Variants in SPTBN4 observed in about 807,000 individuals in gnomAD.
SPTBN4 encodes the protein spectrin beta, non-erythrocytic 4.
SPTBN4 carries 96 observed loss-of-function variants against 277.8 expected under a neutral mutation model. That is an observed-to-expected ratio of 0.35 (90% CI 0.29 to 0.41). SPTBN4 has a LOEUF of 0.41. SPTBN4 is among the 10% of genes least tolerant of loss of function. The pLI, the probability that SPTBN4 is intolerant of heterozygous loss-of-function variation, is 1.00. For missense variants in SPTBN4, 3,006 were observed against 3,595.7 expected, an observed-to-expected ratio of 0.84 and a Z score of 4.19; for synonymous variants, 1,481 against 1,580.3, an observed-to-expected ratio of 0.94 and a Z score of 1.49.
At chr19:40,569,792 A>C in intron 32 of SPTBN4, 66 bp downstream of exon 32, 1,539 of 1,463,458 alleles carry the variant, frequency 1.1e-3, no homozygotes, top group Non-Finnish European at 1.3e-3. Context: ...GCAGGATCTC[A>C]GAAACAGCCA....
Position 40,487,705 on chromosome 19 carries a change from G to A in SPTBN4, c.178G>A (p.Glu60Lys). 2 of 1,612,192 alleles carry A rather than the reference G, an allele frequency of 1.2e-6. No homozygotes were observed. Among genetic ancestry groups the A allele is most frequent in the South Asian group, 2.2e-5 (2 of 90,844 alleles). Residue 60 changes from glutamate to lysine, a missense_variant, in exon 3 of 36, where the codon GAA becomes AAA. Physicochemically the swap from Glu to Lys is moderately conservative, Grantham distance 56. Around this residue, in one of 5 missense-constraint regions of SPTBN4, gnomAD observed 114 missense variants for 196.1 expected, o/e 0.58. Transcript: ENST00000598249. ...SRIKALADER[E>K]AVQKKTFTKW... is the part of the protein sequence containing the mutation. ...CAGGGCCTCTCCTCCAGATGAGCGG[G>A]AAGCCGTGCAGAAGAAAACCTTCAC...
chr19:40,528,055 C>CA (rs751179742), intron 17 of SPTBN4, among the ~76,000 whole-genome samples: 8,820 of 33,392 alleles, frequency 0.26, 1,092 homozygotes, highest in Non-Finnish European at 0.33. Flanking sequence ...GACTCCATCT[C>CA]AAAAAAAAAA....
At chr19:40,506,639 T>C (rs776201665) in intron 13 of SPTBN4, among the ~76,000 whole-genome samples, 3 of 152,190 alleles carry the variant, frequency 2.0e-5, no homozygotes, top group Non-Finnish European at 2.9e-5. Flanking sequence ...GCACTTGTTA[T>C]GTGCCAAGCC....
Position 40,493,069 on chromosome 19 carries a change from C to G in SPTBN4, c.587+15C>G. 6.2e-7 allele frequency: 1 copy of G among 1,613,494 alleles called. No individual in the cohort carries two copies. Reference sequence around the variant, plus strand: ...AAGACAGCTGGGTAAGCACCCCCACCACCTTCCTTAGGAGGTTAGGCAAGT... The same window carrying G: ...AAGACAGCTGGGTAAGCACCCCCACGACCTTCCTTAGGAGGTTAGGCAAGT... On this transcript the variant is annotated intron_variant, in intron 5 of 35. Coordinates refer to ENST00000598249, the MANE Select transcript of SPTBN4 (RefSeq NM_020971.3).
intron 7 of SPTBN4, among the ~76,000 whole-genome samples, chr19:40,501,262 T>C (rs1277899571): frequency 6.8e-6 from 1 of 146,330 alleles, no homozygotes; most frequent in African/African-American, 2.5e-5. Context: ...AAGTAAAAAG[T>C]TGAGCTCTGA....
chr19:40,494,642 C>T (rs2080175100), intron 5 of SPTBN4, among the ~76,000 whole-genome samples: 1 of 151,114 alleles, frequency 6.6e-6, no homozygotes, highest in African/African-American at 2.5e-5. Context: ...CTATCTATCA[C>T]CTATTTATCA....
chr19:40,519,476 G>C lies in SPTBN4; in HGVS notation c.2979G>C (p.Val993=), dbSNP rs778600255. The C allele has an allele frequency of 6.2e-7, 1 of 1,608,180 alleles. No homozygotes were observed. Among genetic ancestry groups the C allele is most frequent in the South Asian group, 1.1e-5 (1 of 90,306 alleles). ...CGGTGCTGCTGGTGGAGAACCACGT[G>C]CTGGAGGTGGCCGAGGTGCGCGCCC... The part of the protein sequence containing the change: ...MSAVLLVENH[V]LEVAEVRAQV... The change falls in exon 16 of 36, where the codon GTG becomes GTC. Residue 993 remains valine, a synonymous_variant. Coordinates refer to ENST00000598249, the MANE Select transcript of SPTBN4 (RefSeq NM_020971.3). This position sits in a 1 kb window ranked among gnomAD's most constrained non-coding sequence, Gnocchi z 5.7.
chr19:40,514,570 C>T (rs898093409), intron 14 of SPTBN4, among the ~76,000 whole-genome samples: 1 of 152,136 alleles, frequency 6.6e-6, no homozygotes, highest in Non-Finnish European at 1.5e-5. Flanking sequence ...CATGGGGGCC[C>T]AGAGGAAGAA....
chr19:40,536,153 G>A (rs73050124), intron 20 of SPTBN4, among the ~76,000 whole-genome samples: 20,643 of 151,744 alleles, frequency 0.14, 1,646 homozygotes, highest in Non-Finnish European at 0.18. Flanking sequence ...GGGTCAGTTC[G>A]TTCTTTTTCC....
At position 40,566,378 on chromosome 19, in the gene SPTBN4, GCCCCATTAC is replaced by G; in HGVS notation, c.6336+25_6336+33del. On this transcript the variant is annotated intron_variant, in intron 30 of 35. Transcript: ENST00000598249. ...GACCACGGTCAGCTCCCCAGATACT[GCCCCATTAC>G]CCCCACCCCCACCAAGACCCCCACA... 6.7e-7 allele frequency: 1 copy of G among 1,500,392 alleles called. No homozygotes were observed. Among genetic ancestry groups the G allele is most frequent in the Non-Finnish European group, 8.9e-7 (1 of 1,122,488 alleles). The allele number at this position is 1,500,392 out of a possible 1,614,324, so 92.9% of individuals were successfully genotyped here.
chr19:40,561,316 G>A (rs1339765489), intron 27 of SPTBN4, among the ~76,000 whole-genome samples: 1 of 152,076 alleles, frequency 6.6e-6, no homozygotes, highest in Non-Finnish European at 1.5e-5. Context: ...CCTGACCTAG[G>A]CTGGAAATTT....
At position 40,560,122 on chromosome 19, in the gene SPTBN4, C is replaced by T. The variant is rs1427220440; in HGVS notation, c.5671-37C>T. 1.2e-5 allele frequency: 19 copies of T among 1,551,982 alleles called. No homozygotes were observed. Among genetic ancestry groups the T allele is most frequent in the East Asian group, 4.5e-5 (2 of 44,110 alleles). On this transcript the variant is annotated intron_variant, in intron 26 of 35. Transcript: ENST00000598249. The surrounding 1 kb of genome is among the most constrained non-coding windows in gnomAD (Gnocchi z 5.2). ...GGGAGGGAGGGCACAGCCTGGGCCC[C>T]GTGGAGGGCTGGCGCCCGACCTGGC...
intron 18 of SPTBN4, chr19:40,530,380 C>A (rs1475353739): frequency 1.4e-5 from 6 of 424,066 alleles, no homozygotes; most frequent in African/African-American, 1.3e-4. Flanking sequence ...TCCTCCTGCA[C>A]CCCCACCTGG....
chr19:40,473,652 C>T (rs2079913340), intron 2 of SPTBN4, among the ~76,000 whole-genome samples: 1 of 151,886 alleles, frequency 6.6e-6, no homozygotes, highest in South Asian at 2.1e-4. Context: ...CCACGGCACC[C>T]GGCCTGTTTT....
At chr19:40,483,097 G>T (rs1279088133) in intron 2 of SPTBN4, among the ~76,000 whole-genome samples, 1 of 152,072 alleles carries the variant, frequency 6.6e-6, no homozygotes, top group African/African-American at 2.4e-5. Flanking sequence ...ACTGAAGAAA[G>T]CCAAATCTAG....
At chr19:40,497,387 C>T (rs2080211506) in intron 6 of SPTBN4, 102 bp from the exon 7 acceptor site, 1 of 817,762 alleles carries the variant, frequency 1.2e-6, no homozygotes, top group Non-Finnish European at 2.1e-6. Flanking sequence ...TGCCCTTCTG[C>T]CCATTGCCCT....
intron 7 of SPTBN4, among the ~76,000 whole-genome samples, chr19:40,499,115 G>A (rs1021086402): frequency 1.3e-5 from 2 of 151,266 alleles, no homozygotes; most frequent in Admixed American, 6.6e-5. Flanking sequence ...TGCAACCTCC[G>A]CCTCCCGGGT....
At chr19:40,528,523 CCTGT>C (rs1456527414) in intron 17 of SPTBN4, among the ~76,000 whole-genome samples, 5 of 152,180 alleles carry the variant, frequency 3.3e-5, no homozygotes, top group Non-Finnish European at 7.3e-5. Flanking sequence ...CACTCCTCTG[CCTGT>C]CTCTCTCTGG....
At chr19:40,516,906 T>C (rs1265187735) in intron 15 of SPTBN4, among the ~76,000 whole-genome samples, 4 of 152,140 alleles carry the variant, frequency 2.6e-5, no homozygotes, top group Non-Finnish European at 4.4e-5. Context: ...GGGATTACAG[T>C]GTAAGCTACT....
Sources: gnomAD v4.1 joint callset for allele counts (sites outside exome capture counted in the v4.1 genomes callset) on GRCh38, gnomAD v4.1.1 for gene constraint, gnomAD v4.1.1 regional missense constraint, Gnocchi (gnomAD v3.1) non-coding constraint, MANE v1.5 for transcripts, NCBI Gene and HGNC (gene_info 2026-07-23, HGNC 2026-07-21) for gene names.